Variants in GPR139 observed in about 807,000 individuals in gnomAD.
GPR139 encodes the protein probable G protein-coupled receptor 139.
A neutral mutation model predicts 25.8 loss-of-function variants in GPR139; 12 were observed. The ratio of observed to expected loss-of-function variants is 0.47; its 90% confidence interval spans 0.30 to 0.75. The LOEUF is 0.75. Among genes scored for constraint, GPR139 ranks in the 30% least tolerant of loss-of-function variants. The pLI is 0.07. For missense variants in GPR139, 380 were observed against 450.2 expected, an observed-to-expected ratio of 0.84 and a Z score of 1.41; for synonymous variants, 184 against 179.9, an observed-to-expected ratio of 1.02 and a Z score of -0.18.
chr16:20,037,316 G>T (rs2057313406), intron 1 of GPR139, among the ~76,000 whole-genome samples: 1 of 152,062 alleles, frequency 6.6e-6, no homozygotes, highest in Non-Finnish European at 1.5e-5. Flanking sequence ...GCCAGGCGTG[G>T]TGGTGGGTGC....
intron 1 of GPR139, among the ~76,000 whole-genome samples, chr16:20,072,902 C>T (rs747300940): frequency 3.3e-5 from 5 of 152,206 alleles, no homozygotes; most frequent in Non-Finnish European, 7.4e-5. Context: ...CCAGAGCCAA[C>T]CCCTGATTCT....
chr16:20,073,080 G>T lies in GPR139; in HGVS notation c.127+410C>A, dbSNP rs2057465562. On this transcript the variant is annotated intron_variant, in intron 1 of 1. Transcript: ENST00000570682. This position sits in a 1 kb window ranked among gnomAD's most constrained non-coding sequence, Gnocchi z 4.7. ...AGTGGGGTGGACGTGCAGGGGCCAC[G>T]GGAGAAGGGAAGCCTCCACGAAGCC... is the stretch of plus-strand genomic sequence containing the variant. Among the ~76,000 whole-genome samples, 1 of 152,112 alleles carries T rather than the reference G, an allele frequency of 6.6e-6. No individual in the cohort carries two copies.
intron 1 of GPR139, among the ~76,000 whole-genome samples, chr16:20,039,064 C>T (rs556400183): frequency 3.3e-4 from 50 of 152,320 alleles, no homozygotes; most frequent in African/African-American, 1.2e-3. Flanking sequence ...TTCTGAAAAG[C>T]AAATCCTTTC....
intron 1 of GPR139, among the ~76,000 whole-genome samples, chr16:20,046,872 C>T (rs758889227): frequency 2.0e-5 from 3 of 152,030 alleles, no homozygotes; most frequent in Non-Finnish European, 4.4e-5. Context: ...AGTTTGAGAC[C>T]AGTCTGGGCA....
intron 1 of GPR139, among the ~76,000 whole-genome samples, chr16:20,063,173 G>T (rs1902815): frequency 6.6e-6 from 1 of 151,970 alleles, no homozygotes; most frequent in South Asian, 2.1e-4. Context: ...TCTATTGGAC[G>T]GCACGTGTAT....
At chr16:20,051,134 C>G (rs2057370538) in intron 1 of GPR139, among the ~76,000 whole-genome samples, 2 of 151,424 alleles carry the variant, frequency 1.3e-5, no homozygotes, top group Non-Finnish European at 2.9e-5. Flanking sequence ...CCCCAAACCA[C>G]AGACATCCCT....
intron 1 of GPR139, among the ~76,000 whole-genome samples, chr16:20,047,266 A>G (rs2057357493): frequency 6.6e-6 from 1 of 152,078 alleles, no homozygotes; most frequent in South Asian, 2.1e-4. Flanking sequence ...ACCCACCACC[A>G]TGCCTGGCTA....
chr16:20,067,488 G>T (rs1276623017), intron 1 of GPR139, among the ~76,000 whole-genome samples: 1 of 152,124 alleles, frequency 6.6e-6, no homozygotes, highest in Non-Finnish European at 1.5e-5. Context: ...GGTCAATTAG[G>T]CACGCCATTA....
intron 1 of GPR139, 57 bp from the exon 2 acceptor site, chr16:20,032,726 C>CTA: frequency 7.6e-7 from 1 of 1,311,688 alleles, no homozygotes; most frequent in South Asian, 1.4e-5. Context: ...TCGTTGGCTC[C>CTA]TATGGGGGCC....
At position 20,030,730 on chromosome 16, in the gene GPR139, C is replaced by T. The variant is rs1404031944; in HGVS notation, c.*1005G>A. The stretch of plus-strand genomic sequence containing the variant: ...AGCTGAGAACACCTCCTCTCATACC[C>T]GCAGAGCTGCAGTTCCTGACCCTTG... On this transcript the variant is annotated 3_prime_UTR_variant, in exon 2 of 2. Transcript: ENST00000570682. Among the ~76,000 whole-genome samples the T allele has an allele frequency of 6.6e-6, 1 of 152,182 alleles. No individual in the cohort carries two copies.
intron 1 of GPR139, among the ~76,000 whole-genome samples, chr16:20,068,236 C>CAAAAAAAAAA (rs10534277): frequency 9.2e-6 from 1 of 109,050 alleles, no homozygotes; most frequent in Non-Finnish European, 1.9e-5. Context: ...CTATTTAATG[C>CAAAAAAAAAA]AAAAAAAAAA....
At chr16:20,063,085 A>T (rs2057419481) in intron 1 of GPR139, among the ~76,000 whole-genome samples, 1 of 152,234 alleles carries the variant, frequency 6.6e-6, no homozygotes, top group African/African-American at 2.4e-5. Flanking sequence ...TTGAAATGAA[A>T]TGAAATAAAA....
intron 1 of GPR139, among the ~76,000 whole-genome samples, chr16:20,037,135 G>A (rs927405142): frequency 2.6e-5 from 4 of 152,126 alleles, no homozygotes; most frequent in African/African-American, 7.2e-5. Context: ...GATTAAAAGC[G>A]ATATTTCGGT....
At chr16:20,061,271 C>T (rs1167927195) in intron 1 of GPR139, among the ~76,000 whole-genome samples, 9 of 116,480 alleles carry the variant, frequency 7.7e-5, no homozygotes, top group Admixed American at 7.5e-4. Context: ...GGATGGATGG[C>T]TGTGTGGACA....
intron 1 of GPR139, among the ~76,000 whole-genome samples, chr16:20,072,757 G>T (rs756231199): frequency 2.0e-5 from 3 of 152,190 alleles, no homozygotes; most frequent in Non-Finnish European, 2.9e-5. Flanking sequence ...GCCGTGAGCT[G>T]CCCAGGGTGG....
rs565929671 is a variant in GPR139, at chr16:20,030,267, G to A, written c.*1468C>T. Among the ~76,000 whole-genome samples, 2 of 152,108 alleles carry A rather than the reference G, an allele frequency of 1.3e-5. No homozygotes were observed. Among genetic ancestry groups the A allele is most frequent in the Non-Finnish European group, 2.9e-5 (2 of 68,024 alleles). The stretch of plus-strand genomic sequence containing the variant: ...GCCTGAGGAACTAAATATTCCAGGT[G>A]GACTGTCTGCCGTTTTTTGGTCACC... On this transcript the variant is annotated 3_prime_UTR_variant, in exon 2 of 2. Transcript: ENST00000570682.
chr16:20,054,508 A>G (rs896324057), intron 1 of GPR139, among the ~76,000 whole-genome samples: 1 of 152,180 alleles, frequency 6.6e-6, no homozygotes, highest in Admixed American at 6.5e-5. Flanking sequence ...CATCAAGAGG[A>G]CCAAAGCCCA....
intron 1 of GPR139, among the ~76,000 whole-genome samples, chr16:20,038,361 G>GTT (rs2057318486): frequency 7.5e-6 from 1 of 133,978 alleles, no homozygotes; most frequent in Non-Finnish European, 1.6e-5. Flanking sequence ...GTGTGTGTGT[G>GTT]TGTGTGTGTA....
chr16:20,065,205 A>G (rs564893676), intron 1 of GPR139, among the ~76,000 whole-genome samples: 2 of 152,252 alleles, frequency 1.3e-5, no homozygotes, highest in South Asian at 4.1e-4. Context: ...TGGCTCACAT[A>G]GTGTTTTTGA....
Sources: allele counts gnomAD v4.1 joint callset (sites outside exome capture counted in the v4.1 genomes callset), GRCh38; gene constraint gnomAD v4.1.1; non-coding constraint Gnocchi (gnomAD v3.1); transcripts MANE v1.5; gene names NCBI Gene and HGNC (gene_info 2026-07-23, HGNC 2026-07-21).